RAD50: variants seen among roughly 807,000 people sequenced by gnomAD.
RAD50 encodes the protein RAD50 double strand break repair protein.
In RAD50, 132 loss-of-function variants were observed where a neutral mutation model predicts 168.8. That is an observed-to-expected ratio of 0.78 (90% CI 0.68 to 0.90). The LOEUF is 0.90. RAD50 is among the 40% of genes least tolerant of loss of function. The pLI is 0.00. For missense variants in RAD50, 1,347 were observed against 1,534.4 expected (o/e 0.88, Z 2.04); for synonymous variants, 525 against 497.4 (o/e 1.06, Z -0.74).
At chr5:132,560,877 A>G (rs956310677) in intron 2 of RAD50, among the ~76,000 whole-genome samples, 1 of 152,180 alleles carries the variant, frequency 6.6e-6, no homozygotes, top group Non-Finnish European at 1.5e-5. Flanking sequence ...CTCTGTTCCA[A>G]TATATTTCAA....
At chr5:132,592,199 A>G (rs191682067) in intron 11 of RAD50, among the ~76,000 whole-genome samples, 165 bp downstream of exon 11, 1 of 152,240 alleles carries the variant, frequency 6.6e-6, no homozygotes, top group Non-Finnish European at 1.5e-5. Context: ...TGGAATTAAA[A>G]GATAAAAATT....
At chr5:132,562,241 T>C (rs776715984) in intron 2 of RAD50, among the ~76,000 whole-genome samples, 24 of 152,130 alleles carry the variant, frequency 1.6e-4, no homozygotes, top group Non-Finnish European at 3.1e-4. Context: ...ATTGGGAGAT[T>C]TTGAGCAGGG....
At chr5:132,576,206 A>G (rs529430423) in intron 3 of RAD50, among the ~76,000 whole-genome samples, 84 of 152,316 alleles carry the variant, frequency 5.5e-4, no homozygotes, top group African/African-American at 2.0e-3. Flanking sequence ...GAATGATCCC[A>G]TGAAAGACTT....
At chr5:132,602,547 T>G (rs995686287) in intron 13 of RAD50, among the ~76,000 whole-genome samples, 1 of 152,120 alleles carries the variant, frequency 6.6e-6, no homozygotes, top group African/African-American at 2.4e-5. Flanking sequence ...CTTCCTTCCT[T>G]TTTTTCCTGT....
intron 23 of RAD50, 73 bp from the exon 24 acceptor site, chr5:132,640,597 TCA>T: frequency 6.3e-7 from 1 of 1,597,208 alleles, no homozygotes; most frequent in Middle Eastern, 1.7e-4. Context: ...GCTGAAAAGA[TCA>T]TGTCAGGACT....
At chr5:132,639,917 C>T (rs561408621) in intron 23 of RAD50, among the ~76,000 whole-genome samples, 3 of 152,274 alleles carry the variant, frequency 2.0e-5, no homozygotes, top group East Asian at 1.9e-4. Context: ...CTGATGTGTG[C>T]GCACCCACCC....
At chr5:132,630,504 A>G (rs1037222582) in intron 21 of RAD50, 6 of 152,206 alleles carry the variant, frequency 3.9e-5, no homozygotes, top group East Asian at 3.8e-4. Context: ...CACCATCTCT[A>G]TCATGACCAT....
chr5:132,590,469 C>CA (rs537814677), intron 9 of RAD50, among the ~76,000 whole-genome samples: 5 of 151,124 alleles, frequency 3.3e-5, no homozygotes, highest in South Asian at 4.2e-4. Context: ...GACTCCATCT[C>CA]AAAAAAAAGA....
intron 2 of RAD50, among the ~76,000 whole-genome samples, chr5:132,567,559 G>A (rs937222257): frequency 4.6e-5 from 7 of 152,206 alleles, no homozygotes; most frequent in African/African-American, 1.7e-4. Context: ...TGCAGAGATG[G>A]TGTACCAGAA....
chr5:132,566,555 C>G (rs960449262), intron 2 of RAD50, among the ~76,000 whole-genome samples: 3 of 152,186 alleles, frequency 2.0e-5, no homozygotes, highest in African/African-American at 7.2e-5. Context: ...TACCTCCATC[C>G]TCAACCCTTG....
intron 15 of RAD50, among the ~76,000 whole-genome samples, chr5:132,604,555 G>T (rs1458174088): frequency 6.6e-6 from 1 of 152,044 alleles, no homozygotes; most frequent in Non-Finnish European, 1.5e-5. Context: ...GTGTGAGCCA[G>T]TGCGCCTGGC....
chr5:132,639,353 CAAAA>C (rs980327824), intron 23 of RAD50, among the ~76,000 whole-genome samples: 6 of 82,668 alleles, frequency 7.3e-5, no homozygotes, highest in South Asian at 4.1e-4. Flanking sequence ...AACTCCGTCT[CAAAA>C]AAAAAAAAAA....
intron 21 of RAD50, among the ~76,000 whole-genome samples, chr5:132,635,338 A>G (rs1356920183): frequency 6.6e-6 from 1 of 152,172 alleles, no homozygotes; most frequent in East Asian, 1.9e-4. Flanking sequence ...CATTATTATC[A>G]TTGTTATTCC....
chr5:132,605,324 T>C lies in RAD50; in HGVS notation c.2718+325T>C, dbSNP rs778232984. 2.0e-5 allele frequency among the ~76,000 whole-genome samples: 3 copies of C among 152,074 alleles called. No homozygotes were observed. The South Asian group carries it at 6.2e-4, about 31-fold the overall frequency. Reference sequence around the variant, plus strand: ...TCCCAAAGTGCTGGGATTACAGGCGTGAGCCAGCATGCCCCGCCCCATTCT... The same window carrying C: ...TCCCAAAGTGCTGGGATTACAGGCGCGAGCCAGCATGCCCCGCCCCATTCT... On this transcript the variant is annotated intron_variant, in intron 16 of 24. Coordinates refer to ENST00000378823, the MANE Select transcript of RAD50 (RefSeq NM_005732.4).
chr5:132,591,205 T>C lies in RAD50; in HGVS notation c.1453-19T>C. 1 of 1,588,654 alleles carries C rather than the reference T, an allele frequency of 6.3e-7. No homozygotes were observed. On this transcript the variant is annotated intron_variant, in intron 9 of 24. Coordinates refer to ENST00000378823, the MANE Select transcript of RAD50 (RefSeq NM_005732.4). ...ACAAAATATATAACACCTTTGCATTTGTATGAATTATTGACTAGGAACGTG... is the reference window on the plus strand; with the variant it reads ...ACAAAATATATAACACCTTTGCATTCGTATGAATTATTGACTAGGAACGTG...
chr5:132,594,750 G>T, intron 11 of RAD50, 119 bp from the exon 12 acceptor site: 1 of 1,029,170 alleles, frequency 9.7e-7, no homozygotes, highest in Non-Finnish European at 1.5e-6. Flanking sequence ...AAAATTATTT[G>T]GTCATACCAA....
At position 132,589,634 on chromosome 5, in the gene RAD50, G is replaced by A; in HGVS notation, c.1249G>A (p.Asp417Asn). 1 of 1,576,590 alleles carries A rather than the reference G, an allele frequency of 6.3e-7. No individual in the cohort carries two copies. Among genetic ancestry groups the A allele is most frequent in the South Asian group, 1.2e-5 (1 of 84,880 alleles). The part of the protein sequence containing the change: ...EAKTANQLMN[D>N]FAEKETLKQK... ...CATTCTTTACATATGCATTTAGAAT[G>A]ACTTTGCAGAAAAAGAGACTCTGAA... Residue 417 changes from aspartate (D) to asparagine (N), a missense_variant, in exon 9 of 25, where the codon GAC becomes AAC. Asp to Asn is a conservative substitution (Grantham distance 23, BLOSUM62 1). Coordinates refer to ENST00000378823, the MANE Select transcript of RAD50 (RefSeq NM_005732.4).
At chr5:132,580,175 C>T (rs1018799840) in intron 5 of RAD50, 109 bp downstream of exon 5, 23 of 902,936 alleles carry the variant, frequency 2.5e-5, no homozygotes, top group African/African-American at 3.4e-5. Context: ...AGCTATTTAA[C>T]GTTCATTACT....
At chr5:132,612,226 A>G (rs1751100619) in intron 19 of RAD50, among the ~76,000 whole-genome samples, 1 of 152,242 alleles carries the variant, frequency 6.6e-6, no homozygotes, top group African/African-American at 2.4e-5. Context: ...CCCTTAAAAC[A>G]TGCTAAGCAA....
Sources: allele counts gnomAD v4.1 joint callset (sites outside exome capture counted in the v4.1 genomes callset), GRCh38; gene constraint gnomAD v4.1.1; transcripts MANE v1.5; gene names NCBI Gene and HGNC (gene_info 2026-07-23, HGNC 2026-07-21).